Variants in GPALPP1 observed in about 807,000 individuals in gnomAD.
GPALPP1 encodes GPALPP motifs containing 1.
Under a neutral mutation model 38.9 loss-of-function variants are expected in GPALPP1, and 30 were observed. That is an observed-to-expected ratio of 0.77 (90% CI 0.58 to 1.05). GPALPP1 has a LOEUF of 1.05. Ranked by LOEUF, GPALPP1 falls within the 50% of genes least tolerant of loss-of-function variation. The pLI, the probability that GPALPP1 is intolerant of heterozygous loss-of-function variation, is 0.00. For synonymous variants in GPALPP1, 120 were observed against 139.2 expected (o/e 0.86, Z 0.97); for missense variants, 384 against 408.8 (o/e 0.94, Z 0.52).
chr13:44,998,147 A>C (rs1318769589), intron 1 of GPALPP1, among the ~76,000 whole-genome samples: 5 of 152,216 alleles, frequency 3.3e-5, no homozygotes, highest in African/African-American at 1.2e-4. Context: ...TGTATCTAAA[A>C]ACTATCCTAA....
At chr13:45,032,087 C>T (rs1876225387), downstream of GPALPP1, 1 of 152,092 alleles carries the variant, frequency 6.6e-6, no homozygotes, top group African/African-American at 2.4e-5. Flanking sequence ...TTAGATGCTT[C>T]AAATAGTAAC....
intron 1 of GPALPP1, among the ~76,000 whole-genome samples, chr13:44,990,602 C>A (rs61947793): frequency 6.6e-6 from 1 of 152,154 alleles, no homozygotes; most frequent in African/African-American, 2.4e-5. Context: ...TCTCGGATTC[C>A]GGCATGCATA....
chr13:44,998,083 C>T (rs1055126180), intron 1 of GPALPP1, among the ~76,000 whole-genome samples: 9 of 152,304 alleles, frequency 5.9e-5, no homozygotes, highest in African/African-American at 2.2e-4. Context: ...TTTCCGTCTA[C>T]TTCATTGAAC....
chr13:45,013,307 A>C (rs1282610374), intron 4 of GPALPP1, among the ~76,000 whole-genome samples: 1 of 152,126 alleles, frequency 6.6e-6, no homozygotes, highest in Non-Finnish European at 1.5e-5. Context: ...TCATACCAAG[A>C]AGCCTGCCAA....
At chr13:45,000,320 T>C (rs185878018) in intron 1 of GPALPP1, among the ~76,000 whole-genome samples, 36 of 152,262 alleles carry the variant, frequency 2.4e-4, no homozygotes, top group Admixed American at 9.2e-4. Context: ...GTCCTAGCCA[T>C]GCAGGAGGCC....
At chr13:45,018,395 TAAA>T (rs202066209) in intron 6 of GPALPP1, among the ~76,000 whole-genome samples, 2 of 128,182 alleles carry the variant, frequency 1.6e-5, no homozygotes, top group African/African-American at 5.7e-5. Flanking sequence ...AGACTCTGTC[TAAA>T]AAAAAAAAAA....
intron 6 of GPALPP1, among the ~76,000 whole-genome samples, chr13:45,016,290 CT>C (rs1297874411): frequency 2.0e-5 from 3 of 152,038 alleles, no homozygotes; most frequent in Non-Finnish European, 4.4e-5. Context: ...CCTGTCTCTA[CT>C]AAAAATAAAA....
chr13:44,989,898 G>T, intron 1 of GPALPP1, 156 bp downstream of exon 1: 1 of 609,178 alleles, frequency 1.6e-6, no homozygotes, highest in Middle Eastern at 4.3e-4. Flanking sequence ...AACAGTAGCA[G>T]GGGGGAGGAG....
intron 6 of GPALPP1, 108 bp downstream of exon 6, chr13:45,015,704 C>A: frequency 2.7e-6 from 2 of 745,306 alleles, no homozygotes; most frequent in South Asian, 3.4e-5. Context: ...AATTATGATT[C>A]CAAAAGGATA....
chr13:45,027,984 A>C lies in GPALPP1; in HGVS notation c.1004A>C (p.Lys335Thr), dbSNP rs1375751912. ...CTAAACACCAGATTTTCACACGGCA[A>C]AGGCAATATGTTTTTATAAGTAAGT... ...RELNTRFSHG[K>T]GNMFL is the part of the protein sequence containing the mutation. Residue 335 changes from lysine to threonine, a missense_variant, in exon 8 of 8, where the codon AAA (lysine) becomes ACA (threonine). Lys to Thr is a moderately conservative substitution (Grantham distance 78). Transcript: ENST00000379151. The C allele has an allele frequency of 3.8e-6, 6 of 1,591,870 alleles. No individual in the cohort carries two copies. Among genetic ancestry groups the C allele is most frequent in the Non-Finnish European group, 5.2e-6 (6 of 1,160,394 alleles).
chr13:45,034,724 TTC>T (rs1421873331), downstream of GPALPP1: 6 of 149,562 alleles, frequency 4.0e-5, no homozygotes, highest in African/African-American at 1.5e-4. Flanking sequence ...TTATTTTTAT[TTC>T]TTTTTTTTTT....
At chr13:44,991,136 T>C (rs1872768555) in intron 1 of GPALPP1, among the ~76,000 whole-genome samples, 1 of 151,920 alleles carries the variant, frequency 6.6e-6, no homozygotes, top group Non-Finnish European at 1.5e-5. Flanking sequence ...CTTTCCTTCC[T>C]GTAGGAGATA....
intron 7 of GPALPP1, among the ~76,000 whole-genome samples, chr13:45,026,431 T>G (rs1389911079): frequency 1.3e-5 from 2 of 152,216 alleles, no homozygotes; most frequent in African/African-American, 4.8e-5. Context: ...ACTTTCTGAT[T>G]CACTTTTTCC....
intron 3 of GPALPP1, among the ~76,000 whole-genome samples, chr13:45,006,650 T>G (rs1366083897): frequency 3.3e-5 from 5 of 152,224 alleles, no homozygotes; most frequent in Admixed American, 3.3e-4. Context: ...TTGTGACTTT[T>G]AATTCAGTTG....
chr13:44,989,927 A>G, intron 1 of GPALPP1, 185 bp downstream of exon 1: 1 of 597,272 alleles, frequency 1.7e-6, no homozygotes, highest in Non-Finnish European at 3.0e-6. Flanking sequence ...ACCCTCCTAG[A>G]AACGAGCTTT....
intron 1 of GPALPP1, among the ~76,000 whole-genome samples, chr13:44,993,454 T>G (rs1438027645): frequency 3.3e-5 from 5 of 152,126 alleles, no homozygotes; most frequent in Non-Finnish European, 7.4e-5. Flanking sequence ...CTGGCCAACA[T>G]GGTGAAACCT....
At chr13:45,032,957 A>C (rs1481357216), downstream of GPALPP1, among the ~76,000 whole-genome samples, 2 of 151,558 alleles carry the variant, frequency 1.3e-5, no homozygotes, top group Non-Finnish European at 2.9e-5. Context: ...GAATTGCTTG[A>C]ACCCAGGAGG....
chr13:45,025,342 T>A (rs1875759380), intron 7 of GPALPP1, among the ~76,000 whole-genome samples: 6 of 152,200 alleles, frequency 3.9e-5, no homozygotes, highest in Admixed American at 3.9e-4. Flanking sequence ...ATTAATAGCC[T>A]CTTAACTGTC....
At chr13:44,989,898 G>C (rs1872656994) in intron 1 of GPALPP1, 156 bp downstream of exon 1, 1 of 609,178 alleles carries the variant, frequency 1.6e-6, no homozygotes, top group South Asian at 1.9e-5. Flanking sequence ...AACAGTAGCA[G>C]GGGGGAGGAG....
Sources: gnomAD v4.1 joint callset for allele counts (sites outside exome capture counted in the v4.1 genomes callset) on GRCh38, gnomAD v4.1.1 for gene constraint, MANE v1.5 for transcripts, NCBI Gene and HGNC (gene_info 2026-07-23, HGNC 2026-07-21) for gene names.